KDM5A: variants seen among roughly 807,000 people sequenced by gnomAD.
The protein encoded by KDM5A is lysine demethylase 5A, also known as lysine-specific demethylase 5A.
Under a neutral mutation model 193.5 loss-of-function variants are expected in KDM5A, and 42 were observed. The observed-to-expected ratio is 0.22, with a 90% CI of 0.17 to 0.28. The LOEUF (loss-of-function observed/expected upper bound fraction) is 0.28. KDM5A is among the 10% of genes least tolerant of loss of function. The pLI is 1.00. For synonymous variants in KDM5A, 796 were observed against 718.1 expected, an observed-to-expected ratio of 1.11 and a Z score of -1.73; for missense variants, 1,692 against 2,055.1, an observed-to-expected ratio of 0.82 and a Z score of 3.42.
At chr12:370,495 G>C (rs1438922092) in intron 3 of KDM5A, among the ~76,000 whole-genome samples, 5 of 152,184 alleles carry the variant, frequency 3.3e-5, no homozygotes, top group Non-Finnish European at 7.3e-5. Context: ...TATGAACCAT[G>C]CTCTATAAAA....
intron 10 of KDM5A, among the ~76,000 whole-genome samples, chr12:341,838 T>C (rs947397011): frequency 6.7e-6 from 1 of 148,720 alleles, no homozygotes; most frequent in African/African-American, 2.5e-5. Flanking sequence ...AGGTGGAGGC[T>C]GCAGTGAACC....
At chr12:359,545 G>T (rs1944267755) in intron 5 of KDM5A, among the ~76,000 whole-genome samples, 1 of 151,344 alleles carries the variant, frequency 6.6e-6, no homozygotes, top group African/African-American at 2.4e-5. Context: ...CGAGCCCAGA[G>T]ACCAACCTGG....
chr12:286,030 T>A (rs773494202), intron 27 of KDM5A: 3 of 409,076 alleles, frequency 7.3e-6, no homozygotes, highest in Non-Finnish European at 1.4e-5. Flanking sequence ...AATGCAATTA[T>A]CAATCAAGAA....
At chr12:329,217 G>A (rs1943832330) in intron 13 of KDM5A, 188 bp from the exon 14 acceptor site, 1 of 602,720 alleles carries the variant, frequency 1.7e-6, no homozygotes, top group Middle Eastern at 4.4e-4. Flanking sequence ...AGTTTCAAAG[G>A]CTTTCCCACA....
chr12:343,269 T>A (rs563136405), intron 10 of KDM5A, among the ~76,000 whole-genome samples: 43 of 152,198 alleles, frequency 2.8e-4, no homozygotes, highest in Non-Finnish European at 5.9e-4. Context: ...AAAAGCACCC[T>A]GGAAGCTCAA....
chr12:378,627 G>A (rs1161286482), intron 3 of KDM5A, among the ~76,000 whole-genome samples: 2 of 152,152 alleles, frequency 1.3e-5, no homozygotes, highest in Non-Finnish European at 2.9e-5. Flanking sequence ...AACAAGAAGG[G>A]CTAGACTGAA....
Position 323,210 on chromosome 12 carries a change from CAAAAAAAAAAA to C in KDM5A, c.2151-15_2151-5del, listed in dbSNP as rs60377454. ...GTCTTCTAATGGGTAGCGATATCTA[CAAAAAAAAAAA>C]AAAAAAAAAAAAAAAAAAGAAAACA... On this transcript the variant is annotated splice_polypyrimidine_tract_variant and splice_region_variant and intron_variant, in intron 15 of 27. Transcript: ENST00000399788. 363 of 297,096 alleles carry C rather than the reference CAAAAAAAAAAA, an allele frequency of 1.2e-3. No individual in the cohort carries two copies. The highest frequency in any genetic ancestry group is 4.0e-3 in the East Asian group (49 of 12,188). 18.4% of individuals were successfully genotyped at this position (297,096 alleles called of 1,614,324 possible). A position where few individuals can be genotyped will look rare whatever the true frequency, so the allele number is the denominator to read the frequency against.
At chr12:306,850 T>C in intron 24 of KDM5A, 96 bp downstream of exon 24, 1 of 1,195,200 alleles carries the variant, frequency 8.4e-7, no homozygotes, top group Non-Finnish European at 1.2e-6. Context: ...TCTCTTTCAC[T>C]TTCAGGCCTC....
At chr12:353,115 C>T (rs967017950) in intron 8 of KDM5A, among the ~76,000 whole-genome samples, 1 of 152,086 alleles carries the variant, frequency 6.6e-6, no homozygotes, top group Admixed American at 6.6e-5. Flanking sequence ...AAGGTCAAGG[C>T]AGGTGGACCA....
intron 27 of KDM5A, chr12:286,022 T>C (rs1943216370): frequency 4.8e-6 from 2 of 413,326 alleles, no homozygotes; most frequent in African/African-American, 2.1e-5. Flanking sequence ...TCTAAGACAA[T>C]GCAATTATCA....
In KDM5A at chr12:354,228, G is replaced by A. The variant is rs775846611; in HGVS notation, c.877C>T (p.Leu293Phe). The change falls in exon 8 of 28, where the codon CTC (leucine) becomes TTC (phenylalanine). Residue 293 changes from leucine to phenylalanine, a missense_variant. Around this residue, in one of 11 missense-constraint regions of KDM5A, gnomAD observed 134 missense variants for 124.2 expected, o/e 1.08. Transcript: ENST00000399788. The stretch of plus-strand genomic sequence containing the variant: ...CGACCACAAAACATACAAACATAGA[G>A]ATCAACCTGTTAAAAAAAAAATAAA... ...KGTLSVNFVD[L>F]YVCMFCGRGN... is the part of the protein sequence containing the mutation. 2 of 1,600,834 alleles carry A rather than the reference G, an allele frequency of 1.2e-6. No homozygotes were observed. Among genetic ancestry groups the A allele is most frequent in the South Asian group, 1.1e-5 (1 of 89,614 alleles).
At chr12:290,795 T>C (rs1341075989) in intron 27 of KDM5A, among the ~76,000 whole-genome samples, 1 of 151,784 alleles carries the variant, frequency 6.6e-6, no homozygotes, top group East Asian at 1.9e-4. Context: ...CCTATTTAAA[T>C]GCTGAGCAGA....
At position 350,869 on chromosome 12, in the gene KDM5A, C is replaced by T. The variant is rs1944148782; in HGVS notation, c.1150-90G>A. On this transcript the variant is annotated intron_variant, in intron 9 of 27. Coordinates refer to ENST00000399788, the MANE Select transcript of KDM5A (RefSeq NM_001042603.3). ...TACACAGGATCAAGTAAACACAAAC[C>T]CATGATGAGATTAAAAATCTTCTGA... is the stretch of plus-strand genomic sequence containing the variant. 3 of 1,148,214 alleles carry T rather than the reference C, an allele frequency of 2.6e-6. No homozygotes were observed. In the East Asian group the frequency reaches 7.1e-5, roughly 27 times the overall value. The allele number at this position is 1,148,214 out of a possible 1,614,324, so 71.1% of individuals were successfully genotyped here.
chr12:292,403 T>C (rs939559131), intron 27 of KDM5A, among the ~76,000 whole-genome samples: 4 of 152,176 alleles, frequency 2.6e-5, no homozygotes, highest in Admixed American at 1.3e-4. Context: ...ATTGTGACTA[T>C]CCGACAAGGT....
Position 334,288 on chromosome 12 carries a change from G to A in KDM5A, c.1443C>T (p.Cys481=), listed in dbSNP as rs375276350. 6.8e-6 allele frequency: 11 copies of A among 1,613,984 alleles called. No homozygotes were observed. The African/African-American group carries it at 1.5e-4, about 22-fold the overall frequency. The part of the protein sequence containing the change: ...LYVGMCFSSF[C]WHIEDHWSYS... ...AACTCCAGTGATCCTCAATGTGCCA[G>A]CAAAAAGAAGAGAAGCACATTCCCA... is the stretch of plus-strand genomic sequence containing the variant. The change falls in exon 11 of 28, where the codon TGC becomes TGT. Residue 481 remains cysteine (C), a synonymous_variant. Transcript: ENST00000399788.
intron 3 of KDM5A, among the ~76,000 whole-genome samples, chr12:375,560 C>T (rs1038008987): frequency 6.6e-6 from 1 of 152,198 alleles, no homozygotes; most frequent in Non-Finnish European, 1.5e-5. Flanking sequence ...CGTCTGAAGC[C>T]TTCTTCTCTC....
At chr12:300,432 T>C (rs11519569) in intron 24 of KDM5A, among the ~76,000 whole-genome samples, 1 of 152,170 alleles carries the variant, frequency 6.6e-6, no homozygotes, top group African/African-American at 2.4e-5. Flanking sequence ...CCTGAATGAC[T>C]ACTGGGTACA....
At chr12:359,386 A>C (rs1040675509) in intron 5 of KDM5A, among the ~76,000 whole-genome samples, 2 of 152,216 alleles carry the variant, frequency 1.3e-5, no homozygotes, top group African/African-American at 4.8e-5. Flanking sequence ...AGCAGCCAGC[A>C]CTTGTTTAAA....
At chr12:287,511 AGGG>A (rs1555125375) in intron 27 of KDM5A, among the ~76,000 whole-genome samples, 1 of 150,434 alleles carries the variant, frequency 6.6e-6, no homozygotes, top group Non-Finnish European at 1.5e-5. Context: ...AAAAAAAAAA[AGGG>A]GGAAATAATG....
Sources: allele counts gnomAD v4.1 joint callset (sites outside exome capture counted in the v4.1 genomes callset), GRCh38; gene constraint gnomAD v4.1.1; regional missense constraint gnomAD v4.1.1; transcripts MANE v1.5; gene names NCBI Gene and HGNC (gene_info 2026-07-23, HGNC 2026-07-21).